The following SLC15A3 variants were observed in gnomAD, a reference collection of about 807,000 sequenced individuals.
SLC15A3 encodes the protein osteoclast transporter.
Under a neutral mutation model 49.2 loss-of-function variants are expected in SLC15A3, and 39 were observed. That is an observed-to-expected ratio of 0.79 (90% CI 0.61 to 1.04). The LOEUF is 1.04. Among genes scored for constraint, SLC15A3 ranks in the 50% least tolerant of loss-of-function variants. The pLI is 0.00. For missense variants in SLC15A3, 758 were observed against 794.8 expected (o/e 0.95, Z 0.56); for synonymous variants, 339 against 367.0 (o/e 0.92, Z 0.87).
At chr11:60,943,061 T>C (rs1446337344) in intron 3 of SLC15A3, 1 of 152,242 alleles carries the variant, frequency 6.6e-6, no homozygotes, top group Admixed American at 6.5e-5. Context: ...TCTGAGTATC[T>C]GTATCATCTG....
intron 2 of SLC15A3, among the ~76,000 whole-genome samples, chr11:60,945,972 G>A (rs1856795071): frequency 6.6e-6 from 1 of 151,932 alleles, no homozygotes; most frequent in Non-Finnish European, 1.5e-5. Context: ...TCAAGACCCT[G>A]ATCATCCTCA....
At chr11:60,941,718 G>A (rs975081939) in intron 4 of SLC15A3, 4 of 353,880 alleles carry the variant, frequency 1.1e-5, no homozygotes, top group African/African-American at 2.1e-5. Context: ...GGGTCCCAGA[G>A]AAAGAGGGGA....
chr11:60,950,480 T>G (rs924423018), intron 1 of SLC15A3, among the ~76,000 whole-genome samples: 1 of 152,178 alleles, frequency 6.6e-6, no homozygotes, highest in East Asian at 1.9e-4. Flanking sequence ...GCATAGGGCC[T>G]GCAAGTAGCT....
intron 2 of SLC15A3, among the ~76,000 whole-genome samples, chr11:60,944,096 T>C (rs533755751): frequency 2.0e-5 from 3 of 152,300 alleles, no homozygotes; most frequent in Admixed American, 6.5e-5. Flanking sequence ...GAGACGGATG[T>C]TGCAGTGAGC....
chr11:60,948,338 A>C (rs1856834646), intron 1 of SLC15A3, among the ~76,000 whole-genome samples: 1 of 152,214 alleles, frequency 6.6e-6, no homozygotes, highest in African/African-American at 2.4e-5. Context: ...AAGTAAATGA[A>C]TGTGACTATT....
At chr11:60,940,485 A>C (rs529902719) in intron 5 of SLC15A3, 3 of 152,288 alleles carry the variant, frequency 2.0e-5, no homozygotes, top group South Asian at 2.1e-4. Context: ...TACAGACTTC[A>C]TCTGCTGTAA....
At position 60,951,490 on chromosome 11, in the gene SLC15A3, G is replaced by A. The variant is rs1438330710; in HGVS notation, c.62C>T (p.Pro21Leu). Residue 21 changes from proline to leucine, a missense_variant, in exon 1 of 8, where the codon CCT becomes CTT. Pro to Leu is a moderately conservative substitution (Grantham distance 98). Coordinates refer to ENST00000227880, the MANE Select transcript of SLC15A3 (RefSeq NM_016582.3). ...CCGTCGAGGGCCCCGCGCACCGCGA[G>A]GCAGCAGCGGCTGGCGCTCCCCGGG... ...RVPGERQPLL[P>L]RGARGPRRWR... The A allele has an allele frequency of 1.6e-6, 2 of 1,255,630 alleles. No homozygotes were observed. The highest frequency in any genetic ancestry group is 3.1e-5 in the African/African-American group (2 of 63,700). The allele number at this position is 1,255,630 out of a possible 1,614,324, so 77.8% of individuals were successfully genotyped here.
intron 2 of SLC15A3, among the ~76,000 whole-genome samples, chr11:60,945,836 C>T (rs1372391915): frequency 6.6e-6 from 1 of 152,100 alleles, no homozygotes; most frequent in Admixed American, 6.6e-5. Context: ...ATCCTAACAG[C>T]CTTCATTGGA....
At chr11:60,942,365 C>A in intron 3 of SLC15A3, 1 of 494,822 alleles carries the variant, frequency 2.0e-6, no homozygotes, top group Non-Finnish European at 3.7e-6. Context: ...GCAGTGCGTG[C>A]AGCCTTATCC....
intron 2 of SLC15A3, among the ~76,000 whole-genome samples, chr11:60,945,626 G>A (rs943452249): frequency 6.6e-6 from 1 of 152,180 alleles, no homozygotes; most frequent in Non-Finnish European, 1.5e-5. Context: ...TGGCTGCAAG[G>A]TCTGGAGACA....
intron 3 of SLC15A3, 80 bp from the exon 4 acceptor site, chr11:60,942,225 C>T (rs1453477206): frequency 1.1e-5 from 13 of 1,190,538 alleles, no homozygotes; most frequent in Middle Eastern, 2.3e-4. Context: ...TCCTCAGCGC[C>T]GTACCACAGG....
At position 60,946,514 on chromosome 11, in the gene SLC15A3, C is replaced by T; in HGVS notation, c.848+18G>A. Reference sequence around the variant, plus strand: ...TCTCCAGGCTTGGAGGCTCCCTGCACCCAGAGCCCCTCCTTACCTGGCCGA... The same window carrying T: ...TCTCCAGGCTTGGAGGCTCCCTGCATCCAGAGCCCCTCCTTACCTGGCCGA... On this transcript the variant is annotated intron_variant, in intron 2 of 7. Transcript: ENST00000227880. The T allele has an allele frequency of 1.3e-6, 2 of 1,536,676 alleles. No homozygotes were observed. Among genetic ancestry groups the T allele is most frequent in the Admixed American group, 2.0e-5 (1 of 50,488 alleles).
In SLC15A3 at chr11:60,937,858, C is replaced by G. The variant is rs767431694; in HGVS notation, c.1591+12G>C. On this transcript the variant is annotated intron_variant, in intron 7 of 7. Transcript: ENST00000227880. ...CATCCATGTCCCACTCCTGGGGAGG[C>G]CCCATACTCACCAAAGTCCTTGGGG... 141 of 1,613,146 alleles carry G rather than the reference C, an allele frequency of 8.7e-5. No homozygotes were observed. The highest frequency in any genetic ancestry group is 1.1e-4 in the Non-Finnish European group (131 of 1,179,522).
At position 60,951,404 on chromosome 11, in the gene SLC15A3, A is replaced by C; in HGVS notation, c.148T>G (p.Phe50Val). ...AGCACGAGGTTGGCGGTGACGCCGAAGAAGGCGGCGCGCTCCAGCATCTCC... is the reference window on the plus strand; with the variant it reads ...AGCACGAGGTTGGCGGTGACGCCGACGAAGGCGGCGCGCTCCAGCATCTCC... ...LVEMLERAAF[F>V]GVTANLVLYL... Residue 50 changes from phenylalanine to valine, a missense_variant, in exon 1 of 8, where the codon TTC (phenylalanine) becomes GTC (valine). Phe to Val is a conservative substitution (Grantham distance 50, BLOSUM62 -1). Transcript: ENST00000227880. 1 of 1,534,020 alleles carries C rather than the reference A, an allele frequency of 6.5e-7. No individual in the cohort carries two copies. The highest frequency in any genetic ancestry group is 2.1e-5 in the Admixed American group (1 of 48,272).
In SLC15A3 at chr11:60,951,174, G is replaced by A. The variant is rs1398652825; in HGVS notation, c.378C>T (p.Gly126=). 3 of 1,495,414 alleles carry A rather than the reference G, an allele frequency of 2.0e-6. No homozygotes were observed. Among genetic ancestry groups the A allele is most frequent in the Non-Finnish European group, 2.7e-6 (3 of 1,130,756 alleles). The allele number at this position is 1,495,414 out of a possible 1,614,324, so 92.6% of individuals were successfully genotyped here. A position where few individuals can be genotyped will look rare whatever the true frequency, so the allele number is the denominator to read the frequency against. ...GCATCTCTCCGCAGAAGGAGCTGCGGCCGTCGGGGAAGGCGGTGGCGGGCA... is the reference window on the plus strand; with the variant it reads ...GCATCTCTCCGCAGAAGGAGCTGCGACCGTCGGGGAAGGCGGTGGCGGGCA... ...GLLPATAFPD[G]RSSFCGEMPA... The change falls in exon 1 of 8, where the codon GGC becomes GGT. Residue 126 remains glycine, a synonymous_variant. Coordinates refer to ENST00000227880, the MANE Select transcript of SLC15A3 (RefSeq NM_016582.3).
rs755466560 is a variant in SLC15A3 at position 60,937,884 on chromosome 11, C to T, written c.1577G>A (p.Cys526Tyr). Residue 526 changes from cysteine (C) to tyrosine (Y), a missense_variant, in exon 7 of 8, where the codon TGC becomes TAC. Physicochemically the swap from Cys to Tyr is radical, Grantham distance 194 (BLOSUM62 -2). Transcript: ENST00000227880. The part of the protein sequence containing the change: ...LLSLPGGWLH[C>Y]PKDFGNINNC... ...CCCATACTCACCAAAGTCCTTGGGG[C>T]AGTGCAGCCAGCCCCCGGGCAAGGA... 1.2e-6 allele frequency: 2 copies of T among 1,614,072 alleles called. No homozygotes were observed. The highest frequency in any genetic ancestry group is 1.7e-6 in the Non-Finnish European group (2 of 1,179,934).
At chr11:60,938,191 G>A (rs1387597421) in intron 6 of SLC15A3, 166 bp from the exon 7 acceptor site, 10 of 807,246 alleles carry the variant, frequency 1.2e-5, no homozygotes, top group African/African-American at 3.5e-5. Context: ...CATCAATGCC[G>A]CCTTCCCCTC....
Position 60,951,048 on chromosome 11 carries a change from G to A in SLC15A3, c.504C>T (p.Leu168=), listed in dbSNP as rs1168549116. The A allele has an allele frequency of 1.3e-5, 19 of 1,497,084 alleles. No individual in the cohort carries two copies. Among genetic ancestry groups the A allele is most frequent in the Non-Finnish European group, 1.6e-5 (18 of 1,131,322 alleles). 92.7% of individuals were successfully genotyped at this position (1,497,084 alleles called of 1,614,324 possible). A position where few individuals can be genotyped will look rare whatever the true frequency, so the allele number is the denominator to read the frequency against. The change falls in exon 1 of 8, where the codon CTC becomes CTT. Residue 168 remains leucine (L), a synonymous_variant. Transcript: ENST00000227880. Reference sequence around the variant, plus strand: ...TCCGGACGGAGCTGGCGGCCAGGCCGAGTAGCAGCAGGCCCGCGTAGAGGA... The same window carrying A: ...TCCGGACGGAGCTGGCGGCCAGGCCAAGTAGCAGCAGGCCCGCGTAGAGGA... The part of the protein sequence containing the change: ...APVLYAGLLL[L]GLAASSVRSN...
intron 1 of SLC15A3, 151 bp from the exon 2 acceptor site, chr11:60,946,972 A>G (rs1001685647): frequency 8.3e-6 from 7 of 841,700 alleles, no homozygotes; most frequent in South Asian, 5.6e-5. Flanking sequence ...ACAGATGCTC[A>G]GTAAATATTT....
Sources: allele counts gnomAD v4.1 joint callset (sites outside exome capture counted in the v4.1 genomes callset), GRCh38; gene constraint gnomAD v4.1.1; transcripts MANE v1.5; gene names NCBI Gene and HGNC (gene_info 2026-07-23, HGNC 2026-07-21).